HEATR3: variants seen among roughly 807,000 people sequenced by gnomAD.
The protein encoded by HEATR3 is HEAT repeat containing 3.
A neutral mutation model predicts 72.8 loss-of-function variants in HEATR3; 56 were observed. The ratio of observed to expected loss-of-function variants is 0.77; its 90% CI spans 0.62 to 0.96. HEATR3 has a LOEUF of 0.96. Ranked by LOEUF, HEATR3 falls within the 40% of genes least tolerant of loss-of-function variation. HEATR3 has a pLI of 0.00. For synonymous variants in HEATR3, 331 were observed against 318.1 expected, an observed-to-expected ratio of 1.04 and a Z score of -0.43; for missense variants, 747 against 831.4, an observed-to-expected ratio of 0.90 and a Z score of 1.25.
At chr16:50,094,266 C>T (rs1339304142) in intron 11 of HEATR3, among the ~76,000 whole-genome samples, 6 of 152,180 alleles carry the variant, frequency 3.9e-5, no homozygotes, top group African/African-American at 1.2e-4. Context: ...CCTGGCTCTG[C>T]ACAAGCAACA....
intron 13 of HEATR3, 91 bp from the exon 14 acceptor site, chr16:50,102,168 A>G: frequency 9.8e-7 from 1 of 1,022,804 alleles, no homozygotes; most frequent in Non-Finnish European, 1.5e-6. Flanking sequence ...TTGTATATAA[A>G]ATAGTATGCA....
chr16:50,101,470 G>A (rs1321760475), intron 13 of HEATR3, among the ~76,000 whole-genome samples: 2 of 152,084 alleles, frequency 1.3e-5, no homozygotes, highest in African/African-American at 4.8e-5. Flanking sequence ...TTTTACAGTT[G>A]CCTCAAAATT....
At chr16:50,104,907 G>A (rs1317578650) in intron 14 of HEATR3, 32 bp from the exon 15 acceptor site, 2 of 1,547,760 alleles carry the variant, frequency 1.3e-6, no homozygotes, top group African/African-American at 1.4e-5. Flanking sequence ...TATCTACCAA[G>A]TCATATATGA....
In HEATR3 at chr16:50,105,788, C is replaced by G. The variant is rs1256718131; in HGVS notation, c.*727C>G. On this transcript the variant is annotated 3_prime_UTR_variant, in exon 15 of 15. Transcript: ENST00000299192. ...GTTTCACCGTGTTGGCCAGGCTGGT[C>G]TCAAATTCCTGACCTCAAGTGATCC... is the stretch of plus-strand genomic sequence containing the variant. 1.3e-5 allele frequency: 2 copies of G among 151,246 alleles called. No homozygotes were observed. Among genetic ancestry groups the G allele is most frequent in the African/African-American group, 4.9e-5 (2 of 41,146 alleles). 9.4% of individuals were successfully genotyped at this position (151,246 alleles called of 1,614,324 possible).
At chr16:50,100,010 A>G (rs1232124222) in intron 12 of HEATR3, among the ~76,000 whole-genome samples, 2 of 152,200 alleles carry the variant, frequency 1.3e-5, no homozygotes, top group Non-Finnish European at 2.9e-5. Flanking sequence ...TTGATATTAG[A>G]TAACAGTGCC....
chr16:50,084,386 A>C (rs942886285), intron 9 of HEATR3, 95 bp downstream of exon 9: 1 of 1,426,274 alleles, frequency 7.0e-7, no homozygotes, highest in Non-Finnish European at 9.5e-7. Context: ...TCACACTTCC[A>C]GGTTGTAGAT....
At chr16:50,080,709 G>A (rs964916692) in intron 7 of HEATR3, among the ~76,000 whole-genome samples, 1 of 152,044 alleles carries the variant, frequency 6.6e-6, no homozygotes, top group African/African-American at 2.4e-5. Context: ...GGTCTCAAGC[G>A]ATCTTCCCAC....
chr16:50,081,432 G>A (rs1185327984), intron 7 of HEATR3, among the ~76,000 whole-genome samples: 2 of 152,052 alleles, frequency 1.3e-5, no homozygotes, highest in Non-Finnish European at 2.9e-5. Flanking sequence ...GCAACTGAGC[G>A]AGACTCTGTT....
intron 11 of HEATR3, among the ~76,000 whole-genome samples, chr16:50,088,181 A>G (rs1019148169): frequency 1.3e-5 from 2 of 152,220 alleles, no homozygotes; most frequent in Non-Finnish European, 2.9e-5. Flanking sequence ...TTGTGTCAAC[A>G]TCCATTCAAG....
intron 2 of HEATR3, among the ~76,000 whole-genome samples, chr16:50,067,354 CAAAAA>C (rs76903396): frequency 0.086 from 11,678 of 136,142 alleles, 541 homozygotes; most frequent in Middle Eastern, 0.15. Context: ...GACCCTGTCT[CAAAAA>C]AAAAAAAAGG....
In HEATR3 at chr16:50,075,622, TC is replaced by T; in HGVS notation, c.675del (p.Phe225LeufsTer6). 6.2e-7 allele frequency: 1 copy of T among 1,613,404 alleles called. No individual in the cohort carries two copies. Among genetic ancestry groups the T allele is most frequent in the Non-Finnish European group, 8.5e-7 (1 of 1,179,322 alleles). On this transcript the variant is annotated frameshift_variant, in exon 6 of 15. Transcript: ENST00000299192. LOFTEE classifies it high-confidence loss of function. ...GATAACCCAGAGCTGCTGAAGTCTT[TC>T]AGTGCTACAGCATTGAACATGCTGG... ...TEDNPELLKS[F>X]SATALNMLES...
intron 4 of HEATR3, among the ~76,000 whole-genome samples, chr16:50,070,997 G>T (rs2036598845): frequency 6.6e-6 from 1 of 152,170 alleles, no homozygotes; most frequent in Admixed American, 6.5e-5. Flanking sequence ...CTTGGCTGGT[G>T]CTTTTCTTTC....
In HEATR3 at chr16:50,065,971, G is replaced by C. The variant is rs566903119; in HGVS notation, c.-161G>C. ...GCCCCGCCCCAACCCCGACCCGGCA[G>C]ACGACGCGCCGTGCGCCTGCGCACG... On this transcript the variant is annotated 5_prime_UTR_variant, in exon 1 of 15. Coordinates refer to ENST00000299192, the MANE Select transcript of HEATR3 (RefSeq NM_182922.4). The C allele has an allele frequency of 2.3e-4, 44 of 191,992 alleles. No homozygotes were observed. Among genetic ancestry groups the C allele is most frequent in the African/African-American group, 1.2e-3 (43 of 35,340 alleles). 11.9% of individuals were successfully genotyped at this position (191,992 alleles called of 1,614,324 possible). A position where few individuals can be genotyped will look rare whatever the true frequency, so the allele number is the denominator to read the frequency against.
intron 7 of HEATR3, 137 bp from the exon 8 acceptor site, chr16:50,083,800 T>C: frequency 1.5e-6 from 1 of 671,724 alleles, no homozygotes; most frequent in Non-Finnish European, 2.5e-6. Context: ...TCATGACTTT[T>C]CTTTTACCTA....
chr16:50,080,712 C>A (rs28662020), intron 7 of HEATR3, among the ~76,000 whole-genome samples: 18,091 of 152,158 alleles, frequency 0.12, 1,099 homozygotes, highest in African/African-American at 0.15. Context: ...CTCAAGCGAT[C>A]TTCCCACCTC....
intron 11 of HEATR3, among the ~76,000 whole-genome samples, chr16:50,089,100 A>T (rs1455035496): frequency 1.3e-5 from 2 of 152,230 alleles, no homozygotes; most frequent in East Asian, 1.9e-4. Flanking sequence ...GATCACAGGA[A>T]AACTGCCCCA....
At chr16:50,092,285 CT>C (rs1351012086) in intron 11 of HEATR3, among the ~76,000 whole-genome samples, 2 of 151,992 alleles carry the variant, frequency 1.3e-5, no homozygotes, top group African/African-American at 4.8e-5. Flanking sequence ...CTATTAACAA[CT>C]TCACTCTGAT....
intron 11 of HEATR3, among the ~76,000 whole-genome samples, chr16:50,092,813 G>A (rs184747519): frequency 1.2e-4 from 19 of 152,274 alleles, no homozygotes; most frequent in African/African-American, 4.3e-4. Flanking sequence ...TAGGGATGCA[G>A]GCGTGAACAA....
intron 11 of HEATR3, among the ~76,000 whole-genome samples, chr16:50,092,838 A>G (rs1232119954): frequency 6.6e-6 from 1 of 152,188 alleles, no homozygotes; most frequent in Non-Finnish European, 1.5e-5. Flanking sequence ...GGCCAGGTCA[A>G]TATGTTCGTG....
Sources: allele counts gnomAD v4.1 joint callset (sites outside exome capture counted in the v4.1 genomes callset), GRCh38; gene constraint gnomAD v4.1.1; transcripts MANE v1.5; gene names NCBI Gene and HGNC (gene_info 2026-07-23, HGNC 2026-07-21).